The following CGNL1 variants were observed in gnomAD, a reference collection of about 807,000 sequenced individuals.
The protein encoded by CGNL1 is cingulin-like protein 1.
Under a neutral mutation model 141.2 loss-of-function variants are expected in CGNL1, and 132 were observed. The observed-to-expected ratio is 0.93, with a 90% CI of 0.81 to 1.08. The LOEUF (loss-of-function observed/expected upper bound fraction) is 1.08, where lower values mean the gene tolerates loss of function less well. CGNL1 is among the 50% of genes least tolerant of loss of function. The pLI is 0.00. For missense variants in CGNL1, 1,870 were observed against 1,588.6 expected, an observed-to-expected ratio of 1.18 and a Z score of -3.01; for synonymous variants, 690 against 622.1, an observed-to-expected ratio of 1.11 and a Z score of -1.63.
At chr15:57,377,062 C>T (rs1266763132) in intron 1 of CGNL1, 1 of 152,206 alleles carries the variant, frequency 6.6e-6, no homozygotes, top group Non-Finnish European at 1.5e-5. Flanking sequence ...CACTGCGCCG[C>T]CCAGGGAGGT....
chr15:57,516,208 A>G (rs1160749665), intron 8 of CGNL1, among the ~76,000 whole-genome samples: 2 of 151,774 alleles, frequency 1.3e-5, no homozygotes, highest in African/African-American at 4.8e-5. Flanking sequence ...CTGCCCATGC[A>G]AATGGGGCAG....
chr15:57,420,334 G>A (rs2062900069), intron 1 of CGNL1, among the ~76,000 whole-genome samples: 1 of 152,144 alleles, frequency 6.6e-6, no homozygotes, highest in South Asian at 2.1e-4. Context: ...GTGTACACTA[G>A]CCTGTGTATA....
At chr15:57,473,874 A>ACTT (rs1270331869) in intron 8 of CGNL1, among the ~76,000 whole-genome samples, 11,129 of 109,138 alleles carry the variant, frequency 0.1, 1,051 homozygotes, top group Non-Finnish European at 0.14. Flanking sequence ...TGATTGAGTC[A>ACTT]CTTCTTCTTC....
chr15:57,526,248 A>C (rs773544493), intron 12 of CGNL1, among the ~76,000 whole-genome samples: 1 of 152,086 alleles, frequency 6.6e-6, no homozygotes, highest in Non-Finnish European at 1.5e-5. Flanking sequence ...TCACTGATGC[A>C]GCCCTGTGAG....
chr15:57,457,848 G>A (rs1311344414), intron 7 of CGNL1, among the ~76,000 whole-genome samples: 13 of 152,092 alleles, frequency 8.5e-5, no homozygotes, highest in Admixed American at 7.9e-4. Context: ...GATTTGGGTG[G>A]GGACGCAGCC....
intron 8 of CGNL1, among the ~76,000 whole-genome samples, chr15:57,492,283 A>G (rs2922225): frequency 0.82 from 124,845 of 152,090 alleles, 51,264 homozygotes; most frequent in South Asian, 0.85. Flanking sequence ...AGAAATTGAC[A>G]TTCAAAAGAT....
At chr15:57,410,759 G>C (rs1214306610) in intron 1 of CGNL1, among the ~76,000 whole-genome samples, 2 of 152,182 alleles carry the variant, frequency 1.3e-5, no homozygotes, top group African/African-American at 4.8e-5. Flanking sequence ...CTTATGAGGA[G>C]TGCCCTTCAA....
rs371350481 is a variant in CGNL1, at chr15:57,478,504, G to A, written c.2403+16612G>A. Among the ~76,000 whole-genome samples, 24 of 152,270 alleles carry A rather than the reference G, an allele frequency of 1.6e-4. No individual in the cohort carries two copies. In the South Asian group the frequency reaches 5.0e-3, roughly 32 times the overall value. On this transcript the variant is annotated intron_variant, in intron 8 of 18. Transcript: ENST00000281282. ...ATGGGATCCTCTCACTGTAGACATT[G>A]CTACCTCCCTTTCCTGAAATAAAGC...
chr15:57,448,867 A>G (rs1011055481), intron 4 of CGNL1, among the ~76,000 whole-genome samples: 1 of 151,698 alleles, frequency 6.6e-6, no homozygotes, highest in East Asian at 1.9e-4. Flanking sequence ...GTGATGAGTT[A>G]TAGATGTTCT....
chr15:57,411,532 C>A (rs1239231736), intron 1 of CGNL1, among the ~76,000 whole-genome samples: 1 of 151,824 alleles, frequency 6.6e-6, no homozygotes, highest in Admixed American at 6.6e-5. Flanking sequence ...CAACCTCCAC[C>A]TACCAGGTTC....
At chr15:57,413,864 G>A (rs1356470907) in intron 1 of CGNL1, among the ~76,000 whole-genome samples, 4 of 152,068 alleles carry the variant, frequency 2.6e-5, no homozygotes, top group Admixed American at 6.6e-5. Flanking sequence ...CCCCAGTGTC[G>A]GCATCAGTTT....
intron 9 of CGNL1, among the ~76,000 whole-genome samples, chr15:57,517,412 C>T (rs1326950709): frequency 1.3e-5 from 2 of 152,116 alleles, no homozygotes; most frequent in Non-Finnish European, 2.9e-5. Context: ...TTGGCCAGAC[C>T]TCTAGCAGTG....
At chr15:57,521,733 A>C (rs780564370) in intron 10 of CGNL1, among the ~76,000 whole-genome samples, 5 of 152,092 alleles carry the variant, frequency 3.3e-5, no homozygotes, top group Non-Finnish European at 4.4e-5. Flanking sequence ...GCCTGAGCCA[A>C]GAGTGGAGCA....
chr15:57,536,696 A>C (rs1055333709), intron 14 of CGNL1, among the ~76,000 whole-genome samples: 1 of 152,108 alleles, frequency 6.6e-6, no homozygotes, highest in East Asian at 1.9e-4. Context: ...ATTTATGACA[A>C]TTGCCATCCT....
chr15:57,421,614 T>G (rs1020779598), intron 1 of CGNL1, among the ~76,000 whole-genome samples: 10 of 152,042 alleles, frequency 6.6e-5, no homozygotes, highest in African/African-American at 1.2e-4. Flanking sequence ...AAGGAAAAAA[T>G]GGCCCCTTTC....
chr15:57,470,256 C>CTCTTTTTT (rs758575367), intron 8 of CGNL1, among the ~76,000 whole-genome samples: 2,209 of 113,894 alleles, frequency 0.019, 91 homozygotes, highest in East Asian at 0.065. Context: ...TTTTGTCTCT[C>CTCTTTTTT]TTTTTTTTTT....
intron 1 of CGNL1, among the ~76,000 whole-genome samples, chr15:57,419,089 G>A (rs969339201): frequency 1.1e-4 from 16 of 152,018 alleles, no homozygotes; most frequent in African/African-American, 3.9e-4. Context: ...GCGCCACCAC[G>A]CCCGGCTAAT....
intron 1 of CGNL1, among the ~76,000 whole-genome samples, chr15:57,409,037 TCACACACACACACACA>T (rs59988268): frequency 2.5e-4 from 35 of 141,836 alleles, no homozygotes; most frequent in Admixed American, 8.5e-4. Flanking sequence ...TGAGACTCTG[TCACACACACACACACA>T]CACACACACA....
chr15:57,528,421 A>G (rs1421071262), intron 12 of CGNL1, among the ~76,000 whole-genome samples: 2 of 152,182 alleles, frequency 1.3e-5, no homozygotes, highest in Non-Finnish European at 1.5e-5. Context: ...ATATCTACCA[A>G]ATAGAATTTG....
Sources: allele counts gnomAD v4.1 joint callset (sites outside exome capture counted in the v4.1 genomes callset), GRCh38; gene constraint gnomAD v4.1.1; transcripts MANE v1.5; gene names NCBI Gene and HGNC (gene_info 2026-07-23, HGNC 2026-07-21).